The following DNAH8 variants were observed in gnomAD, a reference collection of about 807,000 sequenced individuals.
DNAH8 encodes the protein dynein axonemal heavy chain 8, also known as axonemal beta dynein heavy chain 8.
Under a neutral mutation model 562.1 loss-of-function variants are expected in DNAH8, and 382 were observed. The observed-to-expected ratio is 0.68, with a 90% CI of 0.63 to 0.74. The LOEUF (loss-of-function observed/expected upper bound fraction) is 0.74, where lower values mean the gene tolerates loss of function less well. DNAH8 is among the 30% of genes least tolerant of loss of function. The pLI is 0.00. For synonymous variants in DNAH8, 1,881 were observed against 1,919.4 expected, an observed-to-expected ratio of 0.98 and a Z score of 0.52; for missense variants, 5,203 against 5,620.4, an observed-to-expected ratio of 0.93 and a Z score of 2.37.
intron 30 of DNAH8, among the ~76,000 whole-genome samples, chr6:38,830,033 C>T (rs911013043): frequency 2.6e-5 from 4 of 152,172 alleles, no homozygotes; most frequent in African/African-American, 9.7e-5. Context: ...TTTGCATCTT[C>T]TCTCCTTTAT....
intron 53 of DNAH8, among the ~76,000 whole-genome samples, chr6:38,881,743 G>GT (rs1227654261): frequency 2.6e-5 from 4 of 152,006 alleles, no homozygotes; most frequent in Non-Finnish European, 5.9e-5. Flanking sequence ...TAGAGACAGG[G>GT]TTTCTCCACG....
intron 88 of DNAH8, among the ~76,000 whole-genome samples, chr6:38,991,891 T>G (rs769370048): frequency 5.9e-5 from 9 of 152,076 alleles, no homozygotes; most frequent in Non-Finnish European, 1.2e-4. Context: ...TGCAACCCAC[T>G]CCCCAAACCC....
chr6:38,900,262 A>G (rs1048338748), intron 62 of DNAH8, among the ~76,000 whole-genome samples: 2 of 152,164 alleles, frequency 1.3e-5, no homozygotes, highest in Non-Finnish European at 2.9e-5. Context: ...TCCTATTTCT[A>G]TTACTGCATT....
intron 64 of DNAH8, 77 bp from the exon 65 acceptor site, chr6:38,909,441 C>T: frequency 1.5e-6 from 2 of 1,311,774 alleles, no homozygotes; most frequent in Non-Finnish European, 1.1e-6. Context: ...ACTCTTGGGT[C>T]AGATTGCGTA....
intron 1 of DNAH8, among the ~76,000 whole-genome samples, chr6:38,718,237 C>A (rs924726720): frequency 4.6e-5 from 7 of 152,122 alleles, no homozygotes; most frequent in Non-Finnish European, 1.0e-4. Context: ...GAACCACCAA[C>A]CTTGTGTGTA....
chr6:38,999,195 T>G (rs371566008), intron 88 of DNAH8, among the ~76,000 whole-genome samples: 11 of 152,116 alleles, frequency 7.2e-5, no homozygotes, highest in African/African-American at 1.9e-4. Flanking sequence ...AGTGATTTAT[T>G]AGGTGGGATC....
chr6:38,804,682 A>G (rs1389925781), intron 22 of DNAH8, among the ~76,000 whole-genome samples: 1 of 151,708 alleles, frequency 6.6e-6, no homozygotes, highest in Admixed American at 6.6e-5. Context: ...TGAAGTAGGG[A>G]ATCTGTGGGA....
Position 38,786,793 on chromosome 6 carries a change from T to A in DNAH8, c.2424T>A (p.His808Gln). 6.2e-7 allele frequency: 1 copy of A among 1,612,104 alleles called. No homozygotes were observed. The highest frequency in any genetic ancestry group is 8.5e-7 in the Non-Finnish European group (1 of 1,179,350). ...YALQATLFVR[H>Q]PETGKLLVNF... is the part of the protein sequence containing the mutation. ...TACAAGCCACGCTTTTTGTGCGACA[T>A]CCAGAAACAGGGAAGTTGCTGGTTA... Residue 808 changes from histidine (H) to glutamine (Q), a missense_variant, in exon 18 of 93, where the codon CAT becomes CAA. Physicochemically the swap from His to Gln is conservative, Grantham distance 24. Around this residue, in one of 6 missense-constraint regions of DNAH8, gnomAD observed 2,176 missense variants for 2,365.1 expected, o/e 0.92. Coordinates refer to ENST00000327475, the MANE Select transcript of DNAH8 (RefSeq NM_001206927.2).
At chr6:38,744,653 C>T (rs1040628907) in intron 8 of DNAH8, among the ~76,000 whole-genome samples, 2 of 152,034 alleles carry the variant, frequency 1.3e-5, no homozygotes, top group African/African-American at 4.8e-5. Flanking sequence ...AGTGCAGTGG[C>T]ACTATCATGA....
intron 62 of DNAH8, 57 bp from the exon 63 acceptor site, chr6:38,906,197 G>T: frequency 8.3e-7 from 1 of 1,207,028 alleles, no homozygotes; most frequent in South Asian, 1.6e-5. Flanking sequence ...GTGAGCCACC[G>T]CGCCCAGCCG....
chr6:38,857,740 T>C lies in DNAH8; in HGVS notation c.5956T>C (p.Leu1986=). The change falls in exon 42 of 93, where the codon TTG becomes CTG. Residue 1986 remains leucine (L), a splice_region_variant and synonymous_variant. Coordinates refer to ENST00000327475, the MANE Select transcript of DNAH8 (RefSeq NM_001206927.2). ...HVHQRDIFDD[L]VKMHIKSPTD... The stretch of plus-strand genomic sequence containing the variant: ...GCATCAGAGAGATATTTTTGATGAC[T>C]TGGTAAGGTATCTTTTTTTTTAATT... 2 of 1,589,256 alleles carry C rather than the reference T, an allele frequency of 1.3e-6. No homozygotes were observed. The highest frequency in any genetic ancestry group is 1.7e-6 in the Non-Finnish European group (2 of 1,162,352).
chr6:38,926,292 A>G (rs1782116718), intron 74 of DNAH8, 82 bp downstream of exon 74: 2 of 1,459,650 alleles, frequency 1.4e-6, no homozygotes, highest in African/African-American at 2.8e-5. Context: ...GCAGTCATAA[A>G]GTTGTCATCT....
chr6:38,854,408 C>T (rs1776019603), intron 41 of DNAH8, among the ~76,000 whole-genome samples: 1 of 152,096 alleles, frequency 6.6e-6, no homozygotes, highest in African/African-American at 2.4e-5. Flanking sequence ...TCCAACTACT[C>T]CTCCCAACCT....
chr6:38,822,491 T>G (rs1219187328), intron 26 of DNAH8: 1 of 170,250 alleles, frequency 5.9e-6, no homozygotes, highest in Non-Finnish European at 1.3e-5. Flanking sequence ...TGTCTCTCCT[T>G]GAACCACTGC....
chr6:38,919,569 C>T (rs1781545689), intron 70 of DNAH8, among the ~76,000 whole-genome samples: 1 of 151,996 alleles, frequency 6.6e-6, no homozygotes, highest in Non-Finnish European at 1.5e-5. Context: ...GAACTTTCTT[C>T]AGTATAAACA....
At position 38,886,825 on chromosome 6, in the gene DNAH8, T is replaced by C; in HGVS notation, c.8294T>C (p.Met2765Thr). 6.2e-7 allele frequency: 1 copy of C among 1,614,078 alleles called. No individual in the cohort carries two copies. Among genetic ancestry groups the C allele is most frequent in the Non-Finnish European group, 8.5e-7 (1 of 1,179,958 alleles). The change falls in exon 57 of 93, where the codon ATG becomes ACG. Residue 2765 changes from methionine to threonine, a missense_variant. By Grantham distance (81) the Met-to-Thr change is moderately conservative. This residue lies in a region of DNAH8 where 977 missense variants were observed against 1,061.8 expected (regional missense o/e 0.92). Coordinates refer to ENST00000327475, the MANE Select transcript of DNAH8 (RefSeq NM_001206927.2). Reference protein sequence around the residue: ...TNEIVRQMMEMEGMYSLDKPG... With the variant: ...TNEIVRQMMETEGMYSLDKPG... ...GAGATTGTGCGACAGATGATGGAAA[T>C]GGAAGGAATGTACAGCTTGGACAAG...
In DNAH8 at chr6:38,828,117, A is replaced by C. The variant is rs563305318; in HGVS notation, c.4084-67A>C. The C allele has an allele frequency of 3.1e-6, 3 of 953,460 alleles. No individual in the cohort carries two copies. The East Asian group carries it at 7.6e-5, about 24-fold the overall frequency. 59.1% of individuals were successfully genotyped at this position (953,460 alleles called of 1,614,324 possible). ...TAAGACATAGGAATGTGTTTCTAGA[A>C]GGCGTCTAAATCATTTGGCAATGGC... is the stretch of plus-strand genomic sequence containing the variant. On this transcript the variant is annotated intron_variant, in intron 29 of 92. Coordinates refer to ENST00000327475, the MANE Select transcript of DNAH8 (RefSeq NM_001206927.2).
At chr6:39,001,235 A>G (rs757770473) in intron 88 of DNAH8, among the ~76,000 whole-genome samples, 46 of 151,890 alleles carry the variant, frequency 3.0e-4, no homozygotes, top group Non-Finnish European at 6.2e-4. Flanking sequence ...TACCTTCTAC[A>G]TGGCCATTTC....
chr6:38,907,917 T>G, intron 63 of DNAH8, 39 bp from the exon 64 acceptor site: 1 of 1,457,318 alleles, frequency 6.9e-7, no homozygotes, highest in South Asian at 1.5e-5. Context: ...TGTGGAGAAC[T>G]CTTAAAACAC....
Sources: gnomAD v4.1 joint callset for allele counts (sites outside exome capture counted in the v4.1 genomes callset) on GRCh38, gnomAD v4.1.1 for gene constraint, gnomAD v4.1.1 regional missense constraint, MANE v1.5 for transcripts, NCBI Gene and HGNC (gene_info 2026-07-23, HGNC 2026-07-21) for gene names.